CRACD: variants seen among roughly 807,000 people sequenced by gnomAD.
CRACD encodes the protein capping protein-inhibiting regulator of actin dynamics.
A neutral mutation model predicts 106.8 loss-of-function variants in CRACD; 56 were observed. That is an observed-to-expected ratio of 0.52 (90% CI 0.42 to 0.66). The LOEUF (loss-of-function observed/expected upper bound fraction) is 0.66, where lower values mean the gene tolerates loss of function less well. Among genes scored for constraint, CRACD ranks in the 30% least tolerant of loss-of-function variants. CRACD has a pLI of 0.00. For synonymous variants in CRACD, 754 were observed against 670.8 expected (o/e 1.12, Z -1.92); for missense variants, 1,730 against 1,623.2 (o/e 1.07, Z -1.13).
chr4:56,078,662 C>T (rs1008813437), intron 1 of CRACD, among the ~76,000 whole-genome samples: 8 of 152,166 alleles, frequency 5.3e-5, no homozygotes, highest in Admixed American at 2.0e-4. Context: ...GCAGTCCTTC[C>T]GCCTTGGTCT....
At chr4:56,056,586 T>A (rs368412434) in intron 1 of CRACD, among the ~76,000 whole-genome samples, 29 of 137,132 alleles carry the variant, frequency 2.1e-4, no homozygotes, top group African/African-American at 2.4e-4. Context: ...CCTGTCTCTA[T>A]AAAAAAAAAA....
At chr4:56,249,969 T>G (rs1471472) in intron 2 of CRACD, among the ~76,000 whole-genome samples, 14,724 of 152,246 alleles carry the variant, frequency 0.097, 1,988 homozygotes, top group East Asian at 0.61. Flanking sequence ...TACTGCCATC[T>G]GCCAGTGAGA....
intron 2 of CRACD, among the ~76,000 whole-genome samples, chr4:56,200,435 A>G (rs4865063): frequency 0.062 from 9,505 of 152,200 alleles, 1,095 homozygotes; most frequent in East Asian, 0.51. Context: ...TAATGGGAGC[A>G]TTGATCACTC....
chr4:56,158,103 T>G (rs561204834), intron 1 of CRACD, among the ~76,000 whole-genome samples: 8 of 152,354 alleles, frequency 5.3e-5, no homozygotes, highest in Non-Finnish European at 8.8e-5. Flanking sequence ...CATGGATGCA[T>G]TCTTGCAATC....
At chr4:56,232,452 G>C (rs1428808203) in intron 2 of CRACD, among the ~76,000 whole-genome samples, 1 of 152,116 alleles carries the variant, frequency 6.6e-6, no homozygotes, top group Non-Finnish European at 1.5e-5. Context: ...TATTCTAGAT[G>C]TCTTTCATTT....
At chr4:56,161,173 G>A (rs1417448584) in intron 1 of CRACD, among the ~76,000 whole-genome samples, 1 of 152,122 alleles carries the variant, frequency 6.6e-6, no homozygotes, top group Non-Finnish European at 1.5e-5. Flanking sequence ...GTAACTCAGC[G>A]AGATGTTTGT....
At chr4:56,296,584 G>A (rs1456538044) in intron 3 of CRACD, among the ~76,000 whole-genome samples, 1 of 152,140 alleles carries the variant, frequency 6.6e-6, no homozygotes, top group Non-Finnish European at 1.5e-5. Flanking sequence ...ATTCAGTTCG[G>A]AGGCACTGCC....
At chr4:56,221,667 A>T (rs966541567) in intron 2 of CRACD, among the ~76,000 whole-genome samples, 5 of 152,092 alleles carry the variant, frequency 3.3e-5, no homozygotes, top group African/African-American at 4.8e-5. Flanking sequence ...AAAAAAAATT[A>T]AAAAATAAAA....
chr4:56,252,823 C>T (rs1577806762), intron 2 of CRACD, among the ~76,000 whole-genome samples: 1 of 152,164 alleles, frequency 6.6e-6, no homozygotes, highest in South Asian at 2.1e-4. Context: ...ATCATTGGCT[C>T]ATAAGTCCAA....
At chr4:56,204,890 T>G (rs554443999) in intron 2 of CRACD, among the ~76,000 whole-genome samples, 1 of 152,302 alleles carries the variant, frequency 6.6e-6, no homozygotes, top group African/African-American at 2.4e-5. Context: ...CCAGGTACAG[T>G]GGCTCATGCC....
chr4:56,301,570 CT>C (rs1463034554), intron 4 of CRACD, among the ~76,000 whole-genome samples: 2 of 152,000 alleles, frequency 1.3e-5, no homozygotes, highest in Admixed American at 1.3e-4. Context: ...ACTGGAGTGC[CT>C]TTTTTCTCTG....
intron 1 of CRACD, among the ~76,000 whole-genome samples, chr4:56,091,364 C>CTT (rs60218856): frequency 2.7e-5 from 4 of 146,722 alleles, no homozygotes; most frequent in African/African-American, 7.5e-5. Flanking sequence ...CAGAGTAGTT[C>CTT]TTTTTTTTTT....
chr4:56,175,990 G>T (rs1736567293), intron 1 of CRACD, among the ~76,000 whole-genome samples: 1 of 152,102 alleles, frequency 6.6e-6, no homozygotes, highest in Non-Finnish European at 1.5e-5. Flanking sequence ...GTTTTAGTCT[G>T]TATATGGATA....
At chr4:56,211,832 G>T (rs940599859) in intron 2 of CRACD, among the ~76,000 whole-genome samples, 1 of 152,188 alleles carries the variant, frequency 6.6e-6, no homozygotes, top group African/African-American at 2.4e-5. Context: ...TTAGAGGAAA[G>T]CATGACAAAT....
chr4:56,248,122 T>G (rs948026805), intron 2 of CRACD, among the ~76,000 whole-genome samples: 3 of 152,234 alleles, frequency 2.0e-5, no homozygotes, highest in African/African-American at 7.2e-5. Flanking sequence ...ATACAGGCTC[T>G]TCTTACAAAC....
chr4:56,190,405 A>C (rs188882067), intron 2 of CRACD, among the ~76,000 whole-genome samples: 182 of 152,330 alleles, frequency 1.2e-3, no homozygotes, highest in African/African-American at 4.2e-3. Flanking sequence ...ACTGACTTCC[A>C]CAACGGTTGA....
intron 2 of CRACD, among the ~76,000 whole-genome samples, chr4:56,200,057 G>A (rs1737808992): frequency 6.7e-6 from 1 of 148,558 alleles, no homozygotes; most frequent in Admixed American, 6.9e-5. Flanking sequence ...ATTCATTATA[G>A]CAAAACAGTT....
At chr4:56,150,770 A>T (rs1326091671) in intron 1 of CRACD, among the ~76,000 whole-genome samples, 1 of 152,168 alleles carries the variant, frequency 6.6e-6, no homozygotes, top group Non-Finnish European at 1.5e-5. Context: ...CAATCGACCT[A>T]GTCTGCTATT....
intron 1 of CRACD, among the ~76,000 whole-genome samples, chr4:56,106,407 G>A (rs1331625947): frequency 6.6e-6 from 1 of 152,196 alleles, no homozygotes; most frequent in East Asian, 1.9e-4. Flanking sequence ...ATAAACTCTG[G>A]AGACTGCTAG....
Sources: gnomAD v4.1 joint callset for allele counts (sites outside exome capture counted in the v4.1 genomes callset) on GRCh38, gnomAD v4.1.1 for gene constraint, MANE v1.5 for transcripts, NCBI Gene and HGNC (gene_info 2026-07-23, HGNC 2026-07-21) for gene names.